The following XKR4 variants were observed in gnomAD, a reference collection of about 807,000 sequenced individuals.
XKR4 encodes XK-related protein 4.
Under a neutral mutation model 53.9 loss-of-function variants are expected in XKR4, and 12 were observed. The ratio of observed to expected loss-of-function variants is 0.22; its 90% CI spans 0.14 to 0.36. The LOEUF (loss-of-function observed/expected upper bound fraction) is 0.36, where lower values mean the gene tolerates loss of function less well. Among genes scored for constraint, XKR4 ranks in the 10% least tolerant of loss-of-function variants. The pLI, the probability that XKR4 is intolerant of heterozygous loss-of-function variation, is 1.00. For synonymous variants in XKR4, 354 were observed against 362.4 expected (o/e 0.98, Z 0.26); for missense variants, 799 against 859.5 (o/e 0.93, Z 0.88).
At chr8:55,105,686 T>A (rs117219954) in intron 1 of XKR4, among the ~76,000 whole-genome samples, 2,429 of 152,294 alleles carry the variant, frequency 0.016, 27 homozygotes, top group Middle Eastern at 0.048. Context: ...ATTAAAATAT[T>A]TGGGGGATGC....
intron 1 of XKR4, among the ~76,000 whole-genome samples, chr8:55,239,200 G>A (rs1388949618): frequency 1.3e-5 from 2 of 152,142 alleles, no homozygotes; most frequent in East Asian, 3.8e-4. Context: ...TTGGAACCTG[G>A]AAAACACTAT....
At chr8:55,349,953 C>T (rs1309261341) in intron 1 of XKR4, among the ~76,000 whole-genome samples, 1 of 152,146 alleles carries the variant, frequency 6.6e-6, no homozygotes. Flanking sequence ...GATCCCACCA[C>T]TGAGAGATCA....
chr8:55,259,199 C>T (rs779432022), intron 1 of XKR4, among the ~76,000 whole-genome samples: 4 of 152,210 alleles, frequency 2.6e-5, no homozygotes, highest in Admixed American at 6.5e-5. Context: ...CTGGGGTGGG[C>T]CTCGCAGCTT....
chr8:55,321,807 G>A (rs527409413), intron 1 of XKR4, among the ~76,000 whole-genome samples: 1 of 152,232 alleles, frequency 6.6e-6, no homozygotes, highest in East Asian at 1.9e-4. Context: ...TGGCCAACGT[G>A]GTGAAACCCC....
chr8:55,405,491 G>A (rs1220929369), intron 2 of XKR4, among the ~76,000 whole-genome samples: 2 of 152,134 alleles, frequency 1.3e-5, no homozygotes, highest in Non-Finnish European at 2.9e-5. Context: ...ATCACCTCTT[G>A]GCTTCCAAGA....
intron 2 of XKR4, chr8:55,452,694 C>A: frequency 7.2e-7 from 1 of 1,384,088 alleles, no homozygotes; most frequent in Non-Finnish European, 1.0e-6. Context: ...GTCCACAAAG[C>A]GGTTGATGAA....
intron 2 of XKR4, among the ~76,000 whole-genome samples, chr8:55,440,566 A>C (rs1805249782): frequency 6.6e-6 from 1 of 150,666 alleles, no homozygotes; most frequent in Admixed American, 6.6e-5. Flanking sequence ...CTCTAAAAGA[A>C]TACAAATAGA....
At chr8:55,483,137 G>T (rs909413844) in intron 2 of XKR4, among the ~76,000 whole-genome samples, 2 of 152,000 alleles carry the variant, frequency 1.3e-5, no homozygotes, top group Non-Finnish European at 2.9e-5. Context: ...GAAAAAAATG[G>T]GTGTATAATT....
chr8:55,399,036 T>C (rs1408990262), intron 2 of XKR4, among the ~76,000 whole-genome samples: 1 of 152,250 alleles, frequency 6.6e-6, no homozygotes, highest in Admixed American at 6.5e-5. Flanking sequence ...CACAGCACTG[T>C]ATTTCTCATT....
chr8:55,457,620 A>G (rs1358137141), intron 2 of XKR4, among the ~76,000 whole-genome samples: 1 of 152,270 alleles, frequency 6.6e-6, no homozygotes, highest in Non-Finnish European at 1.5e-5. Context: ...AAATATTCCC[A>G]GCAGCTTAGG....
intron 1 of XKR4, among the ~76,000 whole-genome samples, chr8:55,271,346 T>C (rs1381302472): frequency 1.3e-5 from 2 of 152,288 alleles, no homozygotes; most frequent in East Asian, 1.9e-4. Flanking sequence ...ACTAAATAAA[T>C]TTGACCCTAG....
At chr8:55,121,828 A>T (rs1273233214) in intron 1 of XKR4, among the ~76,000 whole-genome samples, 1 of 86,188 alleles carries the variant, frequency 1.2e-5, no homozygotes, top group Non-Finnish European at 2.2e-5. Flanking sequence ...GCACAAATAC[A>T]ACATTACACA....
intron 1 of XKR4, among the ~76,000 whole-genome samples, chr8:55,198,458 A>C (rs1243851294): frequency 6.6e-6 from 1 of 152,038 alleles, no homozygotes; most frequent in African/African-American, 2.4e-5. Flanking sequence ...GAAAAGTTAT[A>C]AATATAATGT....
chr8:55,140,243 C>T (rs1473211213), intron 1 of XKR4: 1 of 327,930 alleles, frequency 3.0e-6, no homozygotes, highest in Non-Finnish European at 6.0e-6. Context: ...AGTTTCAAAT[C>T]ATAGATTCCA....
intron 1 of XKR4, among the ~76,000 whole-genome samples, chr8:55,301,546 T>C (rs1209676579): frequency 6.6e-6 from 1 of 152,180 alleles, no homozygotes; most frequent in East Asian, 1.9e-4. Context: ...GTATTTCTAG[T>C]TCAAGATCCC....
In XKR4 at chr8:55,288,783, G is replaced by T. The variant is rs908789497; in HGVS notation, c.807-68895G>T. On this transcript the variant is annotated intron_variant, in intron 1 of 2. Coordinates refer to ENST00000327381, the MANE Select transcript of XKR4 (RefSeq NM_052898.2). The stretch of plus-strand genomic sequence containing the variant: ...CTTGAGGACAATAATCCAACACAAG[G>T]GTCCCTCATGTTATTCCTTGATAGC... 2.6e-5 allele frequency among the ~76,000 whole-genome samples: 4 copies of T among 152,054 alleles called. No individual in the cohort carries two copies. In the East Asian group the frequency reaches 5.8e-4, roughly 22 times the overall value.
intron 2 of XKR4, among the ~76,000 whole-genome samples, chr8:55,478,364 C>T (rs1434711107): frequency 6.6e-6 from 1 of 151,478 alleles, no homozygotes; most frequent in Non-Finnish European, 1.5e-5. Context: ...GATTTTGTCA[C>T]CACCAGGCCT....
chr8:55,305,937 G>A (rs4236978), intron 1 of XKR4, among the ~76,000 whole-genome samples: 57,627 of 152,014 alleles, frequency 0.38, 13,074 homozygotes, highest in African/African-American at 0.65. Context: ...GTAAGTAAAA[G>A]TTAGTTTCAG....
chr8:55,185,301 C>G (rs997848665), intron 1 of XKR4, among the ~76,000 whole-genome samples: 16 of 152,106 alleles, frequency 1.1e-4, no homozygotes, highest in Non-Finnish European at 2.9e-5. Context: ...TTGAGAAATC[C>G]CACTTCAACC....
Sources: gnomAD v4.1 joint callset for allele counts (sites outside exome capture counted in the v4.1 genomes callset) on GRCh38, gnomAD v4.1.1 for gene constraint, MANE v1.5 for transcripts, NCBI Gene and HGNC (gene_info 2026-07-23, HGNC 2026-07-21) for gene names.